RALB: variants seen among roughly 807,000 people sequenced by gnomAD.
RALB encodes the protein RAS like proto-oncogene B.
In RALB, 16 loss-of-function variants were observed where a neutral mutation model predicts 21.3. The ratio of observed to expected loss-of-function variants is 0.75; its 90% CI spans 0.51 to 1.14. The LOEUF (loss-of-function observed/expected upper bound fraction) is 1.14, where lower values mean the gene tolerates loss of function less well. Ranked by LOEUF, RALB falls within the 50% of genes most tolerant of loss-of-function variation. The pLI, the probability that RALB is intolerant of heterozygous loss-of-function variation, is 0.00. For synonymous variants in RALB, 93 were observed against 96.1 expected, an observed-to-expected ratio of 0.97 and a Z score of 0.19; for missense variants, 161 against 256.2, an observed-to-expected ratio of 0.63 and a Z score of 2.54.
chr2:120,260,100 C>T (rs141601650), intron 1 of RALB, among the ~76,000 whole-genome samples: 49 of 152,344 alleles, frequency 3.2e-4, no homozygotes, highest in African/African-American at 7.9e-4. Context: ...CCGCAAGTGC[C>T]GCACACAGCC....
At chr2:120,268,905 A>G (rs1371078039) in intron 1 of RALB, among the ~76,000 whole-genome samples, 1 of 150,164 alleles carries the variant, frequency 6.7e-6, no homozygotes, top group Non-Finnish European at 1.5e-5. Flanking sequence ...TCTGTATCCT[A>G]CAATAATTCT....
intron 1 of RALB, among the ~76,000 whole-genome samples, chr2:120,240,370 C>T (rs1688874640): frequency 6.6e-6 from 1 of 151,936 alleles, no homozygotes; most frequent in Non-Finnish European, 1.5e-5. Flanking sequence ...CTGCAACCTC[C>T]ACCTCCCAGA....
Position 120,283,142 on chromosome 2 carries a change from C to T in RALB, c.115-2732C>T, listed in dbSNP as rs535664208. ...TGGCAGCTCCTGCCTGAGAGATCAT[C>T]TAGTCAGGAAATTGAGCTCTGTGTT... On this transcript the variant is annotated intron_variant, in intron 2 of 4. Transcript: ENST00000272519. Among the ~76,000 whole-genome samples, 3 of 152,292 alleles carry T rather than the reference C, an allele frequency of 2.0e-5. No homozygotes were observed. In the East Asian group the frequency reaches 5.8e-4, roughly 29 times the overall value.
At chr2:120,292,403 G>A (rs1469703579) in intron 4 of RALB, among the ~76,000 whole-genome samples, 1 of 152,190 alleles carries the variant, frequency 6.6e-6, no homozygotes, top group Non-Finnish European at 1.5e-5. Context: ...AGTTAGCTGG[G>A]AAAGCTGTCA....
intron 1 of RALB, among the ~76,000 whole-genome samples, chr2:120,244,997 C>CT (rs1357377223): frequency 6.6e-6 from 1 of 152,226 alleles, no homozygotes; most frequent in Non-Finnish European, 1.5e-5. Flanking sequence ...CCAGTGTTCT[C>CT]TGTCTCTTTC....
intron 4 of RALB, among the ~76,000 whole-genome samples, chr2:120,291,421 A>G (rs1357306936): frequency 6.6e-6 from 1 of 152,082 alleles, no homozygotes; most frequent in Non-Finnish European, 1.5e-5. Flanking sequence ...AAATCCAGAA[A>G]TATGGCTCAT....
chr2:120,284,714 C>G (rs1197036655), intron 2 of RALB, among the ~76,000 whole-genome samples: 1 of 151,218 alleles, frequency 6.6e-6, no homozygotes, highest in African/African-American at 2.4e-5. Context: ...CAACCATCAC[C>G]ATTATCTAAT....
At chr2:120,281,535 A>C (rs1384142136) in intron 2 of RALB, among the ~76,000 whole-genome samples, 1 of 152,200 alleles carries the variant, frequency 6.6e-6, no homozygotes, top group South Asian at 2.1e-4. Context: ...CATAATGAAT[A>C]AGCTTCAAAC....
intron 1 of RALB, among the ~76,000 whole-genome samples, chr2:120,276,480 G>A (rs1016794712): frequency 6.6e-6 from 1 of 152,060 alleles, no homozygotes; most frequent in African/African-American, 2.4e-5. Flanking sequence ...GTGCGTGCCT[G>A]TATTCCCAGC....
chr2:120,292,697 G>A lies in RALB; in HGVS notation c.502-444G>A, dbSNP rs573938409. On this transcript the variant is annotated intron_variant, in intron 4 of 4. Coordinates refer to ENST00000272519, the MANE Select transcript of RALB (RefSeq NM_002881.3). ...AGGCCGGGTGCAGTGGCTGACGCCT[G>A]TAATCCGAGCACTTGGAAGGCTGAG... 2.6e-5 allele frequency among the ~76,000 whole-genome samples: 4 copies of A among 152,254 alleles called. No individual in the cohort carries two copies. In the East Asian group the frequency reaches 7.7e-4, roughly 29 times the overall value.
intron 1 of RALB, among the ~76,000 whole-genome samples, chr2:120,267,956 T>G (rs928720185): frequency 3.3e-5 from 5 of 151,954 alleles, no homozygotes; most frequent in African/African-American, 4.8e-5. Context: ...CATGCCCAGC[T>G]AATTTTTGTA....
chr2:120,262,903 C>G (rs1689402795), intron 1 of RALB, among the ~76,000 whole-genome samples: 1 of 152,162 alleles, frequency 6.6e-6, no homozygotes, highest in Non-Finnish European at 1.5e-5. Flanking sequence ...TACGCGTTTT[C>G]CACGTGTCCC....
upstream of RALB, among the ~76,000 whole-genome samples, chr2:120,251,762 A>G (rs1422697504): frequency 6.6e-6 from 1 of 152,224 alleles, no homozygotes; most frequent in Non-Finnish European, 1.5e-5. Flanking sequence ...AATGGTAAAA[A>G]CAGAATACTT....
chr2:120,280,918 C>A, intron 2 of RALB: 1 of 414,822 alleles, frequency 2.4e-6, no homozygotes, highest in Non-Finnish European at 4.7e-6. Context: ...GTATGTCAGG[C>A]AGTTTAATTA....
intron 1 of RALB, among the ~76,000 whole-genome samples, chr2:120,264,640 GGTACA>G (rs1474418811): frequency 1.3e-5 from 2 of 152,036 alleles, no homozygotes; most frequent in Non-Finnish European, 2.9e-5. Flanking sequence ...TATTTTCAGG[GGTACA>G]GTTCAGTGAC....
chr2:120,259,030 C>T (rs563910874), intron 1 of RALB, among the ~76,000 whole-genome samples: 3 of 151,804 alleles, frequency 2.0e-5, no homozygotes, highest in Admixed American at 6.6e-5. Context: ...TAAGGTAGCG[C>T]GTCTGGAGTT....
At chr2:120,242,208 A>G (rs545036877) in intron 1 of RALB, among the ~76,000 whole-genome samples, 1 of 152,346 alleles carries the variant, frequency 6.6e-6, no homozygotes, top group African/African-American at 2.4e-5. Context: ...GGAGTCGTCA[A>G]ATTCACAGAG....
chr2:120,240,970 A>C (rs1421131666), intron 1 of RALB, among the ~76,000 whole-genome samples: 5 of 152,156 alleles, frequency 3.3e-5, no homozygotes, highest in Non-Finnish European at 7.4e-5. Context: ...ACAGAAGCAA[A>C]GTCGGTGCCT....
At chr2:120,263,790 A>C (rs1196329291) in intron 1 of RALB, among the ~76,000 whole-genome samples, 1 of 151,940 alleles carries the variant, frequency 6.6e-6, no homozygotes, top group Non-Finnish European at 1.5e-5. Flanking sequence ...TCAGCCTCCT[A>C]AAGTGCTGGG....
Sources: allele counts gnomAD v4.1 joint callset (sites outside exome capture counted in the v4.1 genomes callset), GRCh38; gene constraint gnomAD v4.1.1; transcripts MANE v1.5; gene names NCBI Gene and HGNC (gene_info 2026-07-23, HGNC 2026-07-21).